The following PELI2 variants were observed in gnomAD, a reference collection of about 807,000 sequenced individuals.
The protein encoded by PELI2 is pellino E3 ubiquitin protein ligase family member 2.
Under a neutral mutation model 42.3 loss-of-function variants are expected in PELI2, and 23 were observed. The observed-to-expected ratio is 0.54, with a 90% confidence interval of 0.39 to 0.77. The LOEUF (loss-of-function observed/expected upper bound fraction) is 0.77, where lower values mean the gene tolerates loss of function less well. Among genes scored for constraint, PELI2 ranks in the 30% least tolerant of loss-of-function variants. The probability of loss-of-function intolerance (pLI) is 0.00; values close to 1 mark genes in which losing one functional copy is unlikely to be tolerated. For synonymous variants in PELI2, 245 were observed against 212.2 expected, an observed-to-expected ratio of 1.15 and a Z score of -1.34; for missense variants, 463 against 553.2, an observed-to-expected ratio of 0.84 and a Z score of 1.64.
chr14:56,162,162 GTTA>G (rs1467755580), intron 1 of PELI2, among the ~76,000 whole-genome samples: 1 of 152,066 alleles, frequency 6.6e-6, no homozygotes, highest in Non-Finnish European at 1.5e-5. Flanking sequence ...GTACAACTAA[GTTA>G]TTATTGACTG....
chr14:56,149,268 T>C (rs770604234), intron 1 of PELI2, among the ~76,000 whole-genome samples: 43 of 152,358 alleles, frequency 2.8e-4, no homozygotes, highest in Non-Finnish European at 4.9e-4. Flanking sequence ...TTAAACCTCA[T>C]ATCCATGGTT....
At position 56,248,045 on chromosome 14, in the gene PELI2, G is replaced by A. The variant is rs548733851; in HGVS notation, c.208-31631G>A. Among the ~76,000 whole-genome samples the A allele has an allele frequency of 3.2e-4, 49 of 152,342 alleles. No homozygotes were observed. The South Asian group carries it at 6.0e-3, about 19-fold the overall frequency. ...TTGATTTTGTTAGGCTAGCTGCCAC[G>A]TAACTGGCTCCAGTGTTGATGCTCC... On this transcript the variant is annotated intron_variant, in intron 2 of 5. Coordinates refer to ENST00000267460, the MANE Select transcript of PELI2 (RefSeq NM_021255.3).
chr14:56,196,694 G>A (rs1296734587), intron 2 of PELI2, among the ~76,000 whole-genome samples: 2 of 152,154 alleles, frequency 1.3e-5, no homozygotes, highest in African/African-American at 4.8e-5. Flanking sequence ...AATTTTTGCC[G>A]ATATGGTGTG....
At chr14:56,127,750 TA>T (rs1358719107) in intron 1 of PELI2, among the ~76,000 whole-genome samples, 2 of 152,224 alleles carry the variant, frequency 1.3e-5, no homozygotes, top group African/African-American at 2.4e-5. Context: ...AAAGTGAACG[TA>T]ACTTCTGAAA....
chr14:56,295,095 T>TTC (rs1391237778), intron 5 of PELI2, among the ~76,000 whole-genome samples: 1 of 152,048 alleles, frequency 6.6e-6, no homozygotes, highest in Non-Finnish European at 1.5e-5. Flanking sequence ...TCTAATTTCT[T>TTC]TCTCTCTAGT....
Position 56,260,719 on chromosome 14 carries a change from C to T in PELI2, c.208-18957C>T, listed in dbSNP as rs762753917. ...GTAATCCTTGTGTGAGTAAATAGTA[C>T]GATGGATTCCTCAAGAAGCGAACAC... is the stretch of plus-strand genomic sequence containing the variant. On this transcript the variant is annotated intron_variant, in intron 2 of 5. Coordinates refer to ENST00000267460, the MANE Select transcript of PELI2 (RefSeq NM_021255.3). 7.9e-5 allele frequency among the ~76,000 whole-genome samples: 12 copies of T among 152,246 alleles called. No individual in the cohort carries two copies. The South Asian group carries it at 1.7e-3, about 21-fold the overall frequency.
chr14:56,136,860 CTTGGCAGTTTGTCT>C (rs1883705218), intron 1 of PELI2, among the ~76,000 whole-genome samples: 1 of 152,054 alleles, frequency 6.6e-6, no homozygotes, highest in Admixed American at 6.6e-5. Context: ...CCAGGTAGAC[CTTGGCAGTTTGTCT>C]TTGGCAGTTT....
rs902794266 is a variant in PELI2 at position 56,270,399 on chromosome 14, A to G, written c.208-9277A>G. 4.6e-5 allele frequency among the ~76,000 whole-genome samples: 7 copies of G among 152,208 alleles called. No homozygotes were observed. In the East Asian group the frequency reaches 7.7e-4, roughly 17 times the overall value. ...GCCACCTCCTCTCTTTAGAAATAGT[A>G]CTCACACATATTTTAAACATAAATT... On this transcript the variant is annotated intron_variant, in intron 2 of 5. Transcript: ENST00000267460.
At chr14:56,257,789 A>G (rs1473982787) in intron 2 of PELI2, among the ~76,000 whole-genome samples, 3 of 152,276 alleles carry the variant, frequency 2.0e-5, no homozygotes. Context: ...GCCCAATAAC[A>G]AGGAATAAGG....
chr14:56,136,035 A>G (rs1483422175), intron 1 of PELI2, among the ~76,000 whole-genome samples: 1 of 152,216 alleles, frequency 6.6e-6, no homozygotes, highest in Non-Finnish European at 1.5e-5. Context: ...AACACTGTAA[A>G]TTTAAAAGAT....
chr14:56,119,796 T>C (rs1420936644), intron 1 of PELI2: 1 of 984,818 alleles, frequency 1.0e-6, no homozygotes, highest in African/African-American at 1.7e-5. Flanking sequence ...TGTGTCGCTC[T>C]GGGAACCCGC....
intron 2 of PELI2, among the ~76,000 whole-genome samples, chr14:56,257,047 T>C (rs1315943536): frequency 6.6e-6 from 1 of 152,242 alleles, no homozygotes; most frequent in African/African-American, 2.4e-5. Flanking sequence ...AATGTTTGCC[T>C]GCTCATATAT....
intron 2 of PELI2, among the ~76,000 whole-genome samples, chr14:56,257,515 C>CTA (rs995044718): frequency 4.2e-4 from 63 of 150,408 alleles, no homozygotes; most frequent in African/African-American, 1.1e-3. Context: ...CTTTCTCTTT[C>CTA]TATATATATA....
intron 2 of PELI2, among the ~76,000 whole-genome samples, chr14:56,202,922 C>T (rs8016987): frequency 0.4 from 61,202 of 151,720 alleles, 13,051 homozygotes; most frequent in South Asian, 0.53. Context: ...AGGGAAGTTG[C>T]CCTTTATTAA....
At chr14:56,121,084 A>G (rs1313685376) in intron 1 of PELI2, among the ~76,000 whole-genome samples, 1 of 152,212 alleles carries the variant, frequency 6.6e-6, no homozygotes, top group East Asian at 1.9e-4. Flanking sequence ...TAGAATTAAT[A>G]TCATCTTTAT....
chr14:56,215,276 G>A (rs17832621), intron 2 of PELI2, among the ~76,000 whole-genome samples: 24,876 of 152,170 alleles, frequency 0.16, 2,599 homozygotes, highest in Non-Finnish European at 0.24. Flanking sequence ...GTGTCTTGGA[G>A]GCTACACCCT....
At chr14:56,203,346 A>G (rs568244444) in intron 2 of PELI2, among the ~76,000 whole-genome samples, 72 of 152,276 alleles carry the variant, frequency 4.7e-4, no homozygotes, top group Non-Finnish European at 8.8e-5. Flanking sequence ...TCAAAAATCT[A>G]GGGGTGAAGT....
chr14:56,218,920 G>A (rs1887017601), intron 2 of PELI2, among the ~76,000 whole-genome samples: 1 of 152,176 alleles, frequency 6.6e-6, no homozygotes, highest in Admixed American at 6.5e-5. Context: ...TGGTAACTAT[G>A]AAGGGGTTGG....
intron 1 of PELI2, among the ~76,000 whole-genome samples, chr14:56,126,808 T>C (rs956808479): frequency 2.1e-4 from 32 of 152,194 alleles, no homozygotes; most frequent in African/African-American, 7.5e-4. Context: ...AGGAGTGTGC[T>C]TTCACACCAG....
Sources: gnomAD v4.1 joint callset for allele counts (sites outside exome capture counted in the v4.1 genomes callset) on GRCh38, gnomAD v4.1.1 for gene constraint, MANE v1.5 for transcripts, NCBI Gene and HGNC (gene_info 2026-07-23, HGNC 2026-07-21) for gene names.